ADAMTSL4: variants seen among roughly 807,000 people sequenced by gnomAD.
ADAMTSL4 encodes ADAMTS-like protein 4.
ADAMTSL4 carries 97 observed loss-of-function variants against 122.8 expected under a neutral mutation model. That is an observed-to-expected ratio of 0.79 (90% CI 0.67 to 0.93). ADAMTSL4 has a LOEUF of 0.93. ADAMTSL4 is among the 40% of genes least tolerant of loss of function. The pLI is 0.00. For missense variants in ADAMTSL4, 1,408 were observed against 1,453.5 expected (o/e 0.97, Z 0.51); for synonymous variants, 592 against 568.0 (o/e 1.04, Z -0.60).
In ADAMTSL4 at chr1:150,552,438, G is replaced by A; in HGVS notation, c.21-105G>A. ...GTGATGAGTAACTTCTGCTTTCTGA[G>A]AAGTTGGTAGTCAGGATATGGGAGC... On this transcript the variant is annotated intron_variant, in intron 3 of 18. Coordinates refer to ENST00000271643, the MANE Select transcript of ADAMTSL4 (RefSeq NM_019032.6). This position sits in a 1 kb window ranked among gnomAD's most constrained non-coding sequence, Gnocchi z 4.0. 6.3e-7 allele frequency: 1 copy of A among 1,577,400 alleles called. No individual in the cohort carries two copies. Among genetic ancestry groups the A allele is most frequent in the East Asian group, 2.3e-5 (1 of 44,316 alleles).
At chr1:150,555,865 A>G (rs1672047404) in intron 8 of ADAMTSL4, 3 of 595,542 alleles carry the variant, frequency 5.0e-6, no homozygotes, top group Non-Finnish European at 9.0e-6. Flanking sequence ...ACATGCATGA[A>G]CACATGCACA....
chr1:150,555,579 G>C lies in ADAMTSL4; in HGVS notation c.1371+14G>C. ...GGACGCTGTCTGGTGAGGGAAGACA[G>C]TGTGTGTGTGCACACACACATGCAT... On this transcript the variant is annotated intron_variant, in intron 8 of 18. Transcript: ENST00000271643. 6.2e-7 allele frequency: 1 copy of C among 1,608,506 alleles called. No homozygotes were observed. Among genetic ancestry groups the C allele is most frequent in the East Asian group, 2.2e-5 (1 of 44,572 alleles).
rs1258281808 is a variant in ADAMTSL4 at position 150,559,192 on chromosome 1, G to A, written c.2763+27G>A. 1 of 1,612,028 alleles carries A rather than the reference G, an allele frequency of 6.2e-7. No homozygotes were observed. ...TAAGCTGAGCGCCTGCTGAGAGCAG[G>A]AAGGGGGTGCCAGTCCCAGTGGGAT... On this transcript the variant is annotated intron_variant, in intron 16 of 18. Coordinates refer to ENST00000271643, the MANE Select transcript of ADAMTSL4 (RefSeq NM_019032.6). This position sits in a 1 kb window ranked among gnomAD's most constrained non-coding sequence, Gnocchi z 4.1.
chr1:150,559,429 C>A lies in ADAMTSL4; in HGVS notation c.2906C>A (p.Ala969Asp), dbSNP rs150225445. Residue 969 changes from alanine (A) to aspartate (D), a missense_variant, in exon 17 of 19, where the codon GCC becomes GAC. Physicochemically the swap from Ala to Asp is moderately radical, Grantham distance 126. Coordinates refer to ENST00000271643, the MANE Select transcript of ADAMTSL4 (RefSeq NM_019032.6). The surrounding 1 kb of genome is among the most constrained non-coding windows in gnomAD (Gnocchi z 4.1). ...GCCCTGCAGCCCTGTCAAGGGCAGGCCTGCCAGGACCGATGGTTTTCCACG... is the reference window on the plus strand; with the variant it reads ...GCCCTGCAGCCCTGTCAAGGGCAGGACTGCCAGGACCGATGGTTTTCCACG... ...PPALQPCQGQ[A>D]CQDRWFSTPW... 21,540 of 1,613,506 alleles carry A rather than the reference C, an allele frequency of 0.013. 202 individuals carry two copies. Among genetic ancestry groups the A allele is most frequent in the Non-Finnish European group, 0.017 (19,495 of 1,179,994 alleles).
intron 8 of ADAMTSL4, 95 bp downstream of exon 8, chr1:150,555,660 C>A: frequency 1.3e-6 from 2 of 1,530,762 alleles, no homozygotes; most frequent in Non-Finnish European, 1.8e-6. Flanking sequence ...TATGTATGAA[C>A]ACATGCACAC....
chr1:150,550,141 G>C (rs1348182534), intron 2 of ADAMTSL4: 2 of 442,726 alleles, frequency 4.5e-6, no homozygotes, highest in African/African-American at 4.0e-5. Context: ...TCACTGGGCA[G>C]TGTGGAGAGG....
At chr1:150,555,263 C>T (rs1023658383) in intron 7 of ADAMTSL4, among the ~76,000 whole-genome samples, 166 bp from the exon 8 acceptor site, 2 of 152,148 alleles carry the variant, frequency 1.3e-5, no homozygotes, top group African/African-American at 4.8e-5. Context: ...GCTGGGATTA[C>T]AGGCATGAGC....
In ADAMTSL4 at chr1:150,553,926, A is replaced by G. The variant is rs1560288905; in HGVS notation, c.935A>G (p.Gln312Arg). 1 of 1,611,356 alleles carries G rather than the reference A, an allele frequency of 6.2e-7. No individual in the cohort carries two copies. The highest frequency in any genetic ancestry group is 1.7e-5 in the Admixed American group (1 of 59,558). The change falls in exon 6 of 19, where the codon CAG becomes CGG. Residue 312 changes from glutamine (Q) to arginine (R), a missense_variant. Gln to Arg is a conservative substitution (Grantham distance 43). Transcript: ENST00000271643. ...TCGGTCCCTCGGGGCCGAGGCCAGCAGGGCCAAGGGCCTTGGGGAACGGGG... is the reference window on the plus strand; with the variant it reads ...TCGGTCCCTCGGGGCCGAGGCCAGCGGGGCCAAGGGCCTTGGGGAACGGGG... ...FPSVPRGRGQQGQGPWGTGGT... is the reference protein window; with the variant it reads ...FPSVPRGRGQRGQGPWGTGGT...
At position 150,559,622 on chromosome 1, in the gene ADAMTSL4, T is replaced by A; in HGVS notation, c.2944-139T>A. ...ACTTCTTATAGACTTGGAGGAAAGA[T>A]GGGCCCTCTCCATTTGGGATTTCAC... On this transcript the variant is annotated intron_variant, in intron 17 of 18. Coordinates refer to ENST00000271643, the MANE Select transcript of ADAMTSL4 (RefSeq NM_019032.6). This position sits in a 1 kb window ranked among gnomAD's most constrained non-coding sequence, Gnocchi z 4.1. 6.4e-7 allele frequency: 1 copy of A among 1,555,928 alleles called. No individual in the cohort carries two copies. The highest frequency in any genetic ancestry group is 8.8e-7 in the Non-Finnish European group (1 of 1,142,172).
In ADAMTSL4 at chr1:150,553,672, A is replaced by G. The variant is rs1275545200; in HGVS notation, c.681A>G (p.Gln227=). ...TGTCTGTCCACACCCCATCCCCCCAAGCAGAACCTCTAAGCCCTGAAACTG... is the reference window on the plus strand; with the variant it reads ...TGTCTGTCCACACCCCATCCCCCCAGGCAGAACCTCTAAGCCCTGAAACTG... The part of the protein sequence containing the change: ...TELSVHTPSP[Q]AEPLSPETAQ... Residue 227 remains glutamine, a synonymous_variant, in exon 6 of 19, where the codon CAA becomes CAG. Coordinates refer to ENST00000271643, the MANE Select transcript of ADAMTSL4 (RefSeq NM_019032.6). 6.4e-7 allele frequency: 1 copy of G among 1,572,266 alleles called. No homozygotes were observed. The highest frequency in any genetic ancestry group is 8.6e-7 in the Non-Finnish European group (1 of 1,157,220).
At chr1:150,558,230 T>G in intron 14 of ADAMTSL4, 81 bp downstream of exon 14, 4 of 1,595,450 alleles carry the variant, frequency 2.5e-6, no homozygotes, top group Non-Finnish European at 3.4e-6. Context: ...AACTTCTTTT[T>G]CATCAGCAGA....
At chr1:150,550,390 C>T (rs113967089) in intron 2 of ADAMTSL4, 7 of 444,382 alleles carry the variant, frequency 1.6e-5, no homozygotes, top group East Asian at 1.4e-4. Context: ...AGGCCTGGCC[C>T]GGGCCCCGGG....
Position 150,552,470 on chromosome 1 carries a change from G to A in ADAMTSL4, c.21-73G>A. On this transcript the variant is annotated intron_variant, in intron 3 of 18. Transcript: ENST00000271643. This position sits in a 1 kb window ranked among gnomAD's most constrained non-coding sequence, Gnocchi z 4.0. ...GTAGTCAGGATATGGGAGCCGGCTG[G>A]GGGCGGAGGGCAGTGTTGCAACACC... 3 of 1,604,528 alleles carry A rather than the reference G, an allele frequency of 1.9e-6. No individual in the cohort carries two copies. The South Asian group carries it at 3.3e-5, about 18-fold the overall frequency.
chr1:150,553,949 G>T lies in ADAMTSL4; in HGVS notation c.958G>T (p.Gly320Trp). 6.2e-7 allele frequency: 1 copy of T among 1,610,476 alleles called. No individual in the cohort carries two copies. Residue 320 changes from glycine to tryptophan, a missense_variant, in exon 6 of 19, where the codon GGG becomes TGG. Transcript: ENST00000271643. ...GCAGGGCCAAGGGCCTTGGGGAACGGGGGGGACTCCTCACGGGCCCCGCCT... is the reference window on the plus strand; with the variant it reads ...GCAGGGCCAAGGGCCTTGGGGAACGTGGGGGACTCCTCACGGGCCCCGCCT... Reference protein sequence around the residue: ...GQQGQGPWGTGGTPHGPRLEP... With the variant: ...GQQGQGPWGTWGTPHGPRLEP...
In ADAMTSL4 at chr1:150,557,958, G is replaced by C. The variant is rs756583444; in HGVS notation, c.2191G>C (p.Glu731Gln). The change falls in exon 14 of 19, where the codon GAG becomes CAG. Residue 731 changes from glutamate to glutamine, a missense_variant. Coordinates refer to ENST00000271643, the MANE Select transcript of ADAMTSL4 (RefSeq NM_019032.6). ...TGGTGCCTGCAGCTGGGAGGCTGGCGAGTGGACATCCTGCAGCCGCTCCTG... is the reference window on the plus strand; with the variant it reads ...TGGTGCCTGCAGCTGGGAGGCTGGCCAGTGGACATCCTGCAGCCGCTCCTG... Reference protein sequence around the residue: ...TPCPPYWEAGEWTSCSRSCGP... With the variant: ...TPCPPYWEAGQWTSCSRSCGP... The C allele has an allele frequency of 1.2e-6, 2 of 1,607,766 alleles. No individual in the cohort carries two copies. Among genetic ancestry groups the C allele is most frequent in the African/African-American group, 2.7e-5 (2 of 74,874 alleles).
Position 150,559,986 on chromosome 1 carries a change from T to C in ADAMTSL4, c.3089-74T>C. 1.2e-6 allele frequency: 2 copies of C among 1,613,938 alleles called. No individual in the cohort carries two copies. Among genetic ancestry groups the C allele is most frequent in the South Asian group, 1.1e-5 (1 of 91,088 alleles). On this transcript the variant is annotated intron_variant, in intron 18 of 18. Coordinates refer to ENST00000271643, the MANE Select transcript of ADAMTSL4 (RefSeq NM_019032.6). The surrounding 1 kb of genome is among the most constrained non-coding windows in gnomAD (Gnocchi z 4.1). ...GGAGATGAGAAAGGACCAGTGGGAA[T>C]GGGCAGCACACCCATTCCCAGACGG...
Position 150,558,506 on chromosome 1 carries a change from C to T in ADAMTSL4, c.2416C>T (p.Arg806Trp), listed in dbSNP as rs373405565. Reference protein sequence around the residue: ...SVRCGRGQRSRQVRCVGNNGD... With the variant: ...SVRCGRGQRSWQVRCVGNNGD... ...GCGGTGCGGCCGGGGCCAGAGAAGC[C>T]GGCAGGTTCGCTGTGTTGGGAACAA... Residue 806 changes from arginine (R) to tryptophan (W), a missense_variant, in exon 15 of 19, where the codon CGG becomes TGG. Transcript: ENST00000271643. 41 of 1,613,750 alleles carry T rather than the reference C, an allele frequency of 2.5e-5. No individual in the cohort carries two copies. Among genetic ancestry groups the T allele is most frequent in the South Asian group, 4.4e-5 (4 of 91,086 alleles).
Position 150,560,012 on chromosome 1 carries a change from G to A in ADAMTSL4, c.3089-48G>A, listed in dbSNP as rs770937307. The A allele has an allele frequency of 1.3e-5, 21 of 1,613,984 alleles. No individual in the cohort carries two copies. The Admixed American group carries it at 3.5e-4, about 27-fold the overall frequency. ...GGGCAGCACACCCATTCCCAGACGG[G>A]TGGGTCCTGGTGACTCTCTTGTGCC... On this transcript the variant is annotated intron_variant, in intron 18 of 18. Coordinates refer to ENST00000271643, the MANE Select transcript of ADAMTSL4 (RefSeq NM_019032.6).
Position 150,553,250 on chromosome 1 carries a change from GGA to G in ADAMTSL4, c.433_434del (p.Arg145ValfsTer37). On this transcript the variant is annotated frameshift_variant and splice_region_variant, in exon 5 of 19. Transcript: ENST00000271643. LOFTEE classifies it high-confidence loss of function. Reference sequence around the variant, plus strand: ...GAGACCCAGGAGATTCGAGCGGCCAGGAGGTGAGAGGCCTGGGTGGAAGAGGT... The same window carrying G: ...GAGACCCAGGAGATTCGAGCGGCCAGGGTGAGAGGCCTGGGTGGAAGAGGT... 1 of 1,610,396 alleles carries G rather than the reference GGA, an allele frequency of 6.2e-7. No individual in the cohort carries two copies. Among genetic ancestry groups the G allele is most frequent in the Non-Finnish European group, 8.5e-7 (1 of 1,178,164 alleles).
Sources: allele counts gnomAD v4.1 joint callset (sites outside exome capture counted in the v4.1 genomes callset), GRCh38; gene constraint gnomAD v4.1.1; non-coding constraint Gnocchi (gnomAD v3.1); transcripts MANE v1.5; gene names NCBI Gene and HGNC (gene_info 2026-07-23, HGNC 2026-07-21).